Variants in CERT1 observed in about 807,000 individuals in gnomAD.
The protein encoded by CERT1 is ceramide transporter 1, also known as ceramide transfer protein.
CERT1 carries 31 observed loss-of-function variants against 87.9 expected under a neutral mutation model. The ratio of observed to expected loss-of-function variants is 0.35; its 90% CI spans 0.27 to 0.48. CERT1 has a LOEUF of 0.48. Among genes scored for constraint, CERT1 ranks in the 20% least tolerant of loss-of-function variants. CERT1 has a pLI of 0.99. For missense variants in CERT1, 487 were observed against 758.0 expected, an observed-to-expected ratio of 0.64 and a Z score of 4.20; for synonymous variants, 289 against 250.9, an observed-to-expected ratio of 1.15 and a Z score of -1.44.
At chr5:75,470,440 T>A (rs1006634829) in intron 2 of CERT1, among the ~76,000 whole-genome samples, 6 of 152,230 alleles carry the variant, frequency 3.9e-5, no homozygotes, top group African/African-American at 1.4e-4. Context: ...CATGATCAAG[T>A]GATGCAATGA....
At chr5:75,370,196 T>C (rs1761032229) in intron 17 of CERT1, 1 of 152,246 alleles carries the variant, frequency 6.6e-6, no homozygotes. Flanking sequence ...TAGTTGGCTT[T>C]TGTTTACAGA....
Position 75,511,594 on chromosome 5 carries a change from G to T in CERT1, c.-387C>A. The T allele has an allele frequency of 6.8e-7, 1 of 1,465,804 alleles. No homozygotes were observed. Among genetic ancestry groups the T allele is most frequent in the Non-Finnish European group, 9.0e-7 (1 of 1,108,926 alleles). The allele number at this position is 1,465,804 out of a possible 1,614,324, so 90.8% of individuals were successfully genotyped here. A position where few individuals can be genotyped will look rare whatever the true frequency, so the allele number is the denominator to read the frequency against. On this transcript the variant is annotated 5_prime_UTR_variant, in exon 1 of 17. Coordinates refer to ENST00000643780, the MANE Select transcript of CERT1 (RefSeq NM_001379029.1). ...GAGTCCCGCGTCCACTCACACCTCC[G>T]CTACCGCCGCCATCTTCCTGCCTGG...
rs141729824 is a variant in CERT1, at chr5:75,504,335, A to G, written c.231+1647T>C. On this transcript the variant is annotated intron_variant, in intron 2 of 16. Coordinates refer to ENST00000643780, the MANE Select transcript of CERT1 (RefSeq NM_001379029.1). ...AAAATAAATACTGAGCCTTTATGTT[A>G]AAGCTATTTCCTAAAAATTGTCTCT... Among the ~76,000 whole-genome samples, 6 of 152,270 alleles carry G rather than the reference A, an allele frequency of 3.9e-5. No individual in the cohort carries two copies. In the East Asian group the frequency reaches 9.6e-4, roughly 24 times the overall value.
intron 3 of CERT1, among the ~76,000 whole-genome samples, chr5:75,432,781 G>A (rs1468904189): frequency 1.3e-5 from 2 of 152,234 alleles, no homozygotes; most frequent in Non-Finnish European, 2.9e-5. Context: ...CAAGGCCTAT[G>A]CCTAGACCAG....
At chr5:75,424,097 C>T (rs1397654853) in intron 5 of CERT1, among the ~76,000 whole-genome samples, 1 of 152,150 alleles carries the variant, frequency 6.6e-6, no homozygotes, top group Non-Finnish European at 1.5e-5. Context: ...ATGTTGACAT[C>T]AGCAGTATTT....
intron 3 of CERT1, among the ~76,000 whole-genome samples, chr5:75,444,471 C>T (rs1236924012): frequency 6.6e-6 from 1 of 151,368 alleles, no homozygotes; most frequent in Non-Finnish European, 1.5e-5. Flanking sequence ...TTCTATGTGC[C>T]TTATTAGTAT....
chr5:75,391,252 T>C (rs1209974889), intron 11 of CERT1, among the ~76,000 whole-genome samples: 1 of 152,220 alleles, frequency 6.6e-6, no homozygotes, highest in Non-Finnish European at 1.5e-5. Context: ...TCTGGGAATA[T>C]AATTTTCTAT....
intron 11 of CERT1, among the ~76,000 whole-genome samples, chr5:75,392,887 G>A (rs1388978285): frequency 1.4e-5 from 2 of 144,036 alleles, no homozygotes; most frequent in Non-Finnish European, 1.5e-5. Flanking sequence ...GGAGAATAGC[G>A]TGAACCTGCG....
chr5:75,487,144 A>G (rs1433063962), intron 2 of CERT1, among the ~76,000 whole-genome samples: 1 of 152,172 alleles, frequency 6.6e-6, no homozygotes, highest in East Asian at 1.9e-4. Flanking sequence ...TATACAGACC[A>G]GTGAAACAGA....
chr5:75,489,095 C>T (rs112050469), intron 2 of CERT1, among the ~76,000 whole-genome samples: 57 of 152,250 alleles, frequency 3.7e-4, no homozygotes, highest in African/African-American at 8.9e-4. Flanking sequence ...AACACCCACA[C>T]ATCTACAAAC....
chr5:75,432,542 A>T (rs1279300724), intron 3 of CERT1, among the ~76,000 whole-genome samples: 2 of 152,158 alleles, frequency 1.3e-5, no homozygotes, highest in African/African-American at 2.4e-5. Flanking sequence ...TCCTTTGCCC[A>T]TCGTTTAATG....
chr5:75,406,756 G>C (rs1477165804), intron 8 of CERT1, among the ~76,000 whole-genome samples: 1 of 151,998 alleles, frequency 6.6e-6, no homozygotes, highest in Non-Finnish European at 1.5e-5. Context: ...TGTTGGCCAG[G>C]CTGCTCTTGA....
At chr5:75,374,838 G>C (rs1761231641), downstream of CERT1, 1 of 507,346 alleles carries the variant, frequency 2.0e-6, no homozygotes, top group Non-Finnish European at 3.9e-6. Context: ...ACTGAAGATG[G>C]ACTATTCTCT....
At chr5:75,391,865 G>C (rs184140406) in intron 11 of CERT1, among the ~76,000 whole-genome samples, 29 of 152,256 alleles carry the variant, frequency 1.9e-4, no homozygotes, top group Admixed American at 1.2e-3. Context: ...TATGAGATAA[G>C]AGACAGAAAG....
chr5:75,470,932 T>A (rs1034255146), intron 2 of CERT1, among the ~76,000 whole-genome samples: 1 of 152,130 alleles, frequency 6.6e-6, no homozygotes, highest in African/African-American at 2.4e-5. Context: ...AGTGTTTTTA[T>A]ACACTAACAA....
At chr5:75,369,232 C>T (rs1260692787) in intron 17 of CERT1, 1 of 152,048 alleles carries the variant, frequency 6.6e-6, no homozygotes, top group Non-Finnish European at 1.5e-5. Flanking sequence ...GTACTTTTGA[C>T]TTACGGTATT....
chr5:75,418,722 C>T (rs1763245757), intron 6 of CERT1, among the ~76,000 whole-genome samples: 3 of 151,330 alleles, frequency 2.0e-5, no homozygotes, highest in Non-Finnish European at 4.4e-5. Context: ...AAAAGCCAGG[C>T]AAAAAAAGAA....
chr5:75,434,040 G>A (rs1189075037), intron 3 of CERT1, among the ~76,000 whole-genome samples: 1 of 152,108 alleles, frequency 6.6e-6, no homozygotes, highest in Non-Finnish European at 1.5e-5. Flanking sequence ...CAATAGGAGT[G>A]GTGAGAGTGG....
Position 75,381,218 on chromosome 5 carries a change from C to G in CERT1, c.1618-17G>C. 6.2e-7 allele frequency: 1 copy of G among 1,613,862 alleles called. No homozygotes were observed. The highest frequency in any genetic ancestry group is 8.5e-7 in the Non-Finnish European group (1 of 1,179,868). Reference sequence around the variant, plus strand: ...GTTGTTTAGCTGCCAAAACAAAAAACAAAGCATCAGTAGATACCCAGTATT... The same window carrying G: ...GTTGTTTAGCTGCCAAAACAAAAAAGAAAGCATCAGTAGATACCCAGTATT... On this transcript the variant is annotated splice_polypyrimidine_tract_variant and intron_variant, in intron 15 of 16. Coordinates refer to ENST00000643780, the MANE Select transcript of CERT1 (RefSeq NM_001379029.1).
Sources: allele counts gnomAD v4.1 joint callset (sites outside exome capture counted in the v4.1 genomes callset), GRCh38; gene constraint gnomAD v4.1.1; transcripts MANE v1.5; gene names NCBI Gene and HGNC (gene_info 2026-07-23, HGNC 2026-07-21).